The following WNT9A variants were observed in gnomAD, a reference collection of about 807,000 sequenced individuals.
WNT9A encodes protein Wnt-9a.
A neutral mutation model predicts 31.4 loss-of-function variants in WNT9A; 8 were observed. That is an observed-to-expected ratio of 0.26 (90% CI 0.15 to 0.46). The LOEUF (loss-of-function observed/expected upper bound fraction) is 0.46, where lower values mean the gene tolerates loss of function less well. Ranked by LOEUF, WNT9A falls within the 20% of genes least tolerant of loss-of-function variation. The pLI is 0.99. For synonymous variants in WNT9A, 236 were observed against 220.1 expected (o/e 1.07, Z -0.64); for missense variants, 457 against 522.9 (o/e 0.87, Z 1.23).
chr1:227,941,094 T>C (rs568949225), intron 1 of WNT9A, among the ~76,000 whole-genome samples: 155 of 152,348 alleles, frequency 1.0e-3, no homozygotes, highest in African/African-American at 3.6e-3. Flanking sequence ...TGCGGCAGCC[T>C]GGCAGCCAGG....
At chr1:227,945,721 C>T (rs965511375) in intron 1 of WNT9A, among the ~76,000 whole-genome samples, 4 of 152,068 alleles carry the variant, frequency 2.6e-5, no homozygotes, top group Non-Finnish European at 5.9e-5. Flanking sequence ...CCTTTAATGC[C>T]CTGGGCCACC....
rs1313687291 is a variant in WNT9A at position 227,928,446 on chromosome 1, G to A, written c.96-2927C>T. ...GGCCCAAAGGCTACGCCCTTCCCTGGAGTATTCACTGAATTCTGTGCTGCT... is the reference window on the plus strand; with the variant it reads ...GGCCCAAAGGCTACGCCCTTCCCTGAAGTATTCACTGAATTCTGTGCTGCT... On this transcript the variant is annotated intron_variant, in intron 1 of 3. Coordinates refer to ENST00000272164, the MANE Select transcript of WNT9A (RefSeq NM_003395.4). This position sits in a 1 kb window ranked among gnomAD's most constrained non-coding sequence, Gnocchi z 4.5. 6.6e-6 allele frequency among the ~76,000 whole-genome samples: 1 copy of A among 152,214 alleles called. No individual in the cohort carries two copies. Among genetic ancestry groups the A allele is most frequent in the African/African-American group, 2.4e-5 (1 of 41,464 alleles).
chr1:227,946,892 G>A (rs975083391), intron 1 of WNT9A, among the ~76,000 whole-genome samples: 1 of 152,110 alleles, frequency 6.6e-6, no homozygotes, highest in African/African-American at 2.4e-5. Flanking sequence ...CCAGGTCGGG[G>A]GCTGGGATCC....
At chr1:227,934,619 G>A (rs375428980) in intron 1 of WNT9A, among the ~76,000 whole-genome samples, 8 of 151,974 alleles carry the variant, frequency 5.3e-5, no homozygotes, top group Admixed American at 1.3e-4. Context: ...TTCCTTTCAC[G>A]TTGGCCTGTA....
rs776263074 is a variant in WNT9A, at chr1:227,924,326, C to T, written c.427G>A (p.Ala143Thr). 5.0e-6 allele frequency: 8 copies of T among 1,613,664 alleles called. No homozygotes were observed. The highest frequency in any genetic ancestry group is 4.5e-5 in the East Asian group (2 of 44,868). The change falls in exon 3 of 4, where the codon GCG becomes ACG. Residue 143 changes from alanine to threonine, a missense_variant. Coordinates refer to ENST00000272164, the MANE Select transcript of WNT9A (RefSeq NM_003395.4). ...CAGGTACAGCGCTCCATGCGGCCCG[C>T]GCTGCACGCCTTGGCCAGTGCGTGC... ...LTHALAKACSAGRMERCTCDE... is the reference protein window; with the variant it reads ...LTHALAKACSTGRMERCTCDE...
intron 2 of WNT9A, among the ~76,000 whole-genome samples, chr1:227,924,760 G>A (rs1666387730): frequency 6.6e-6 from 1 of 152,238 alleles, no homozygotes; most frequent in Admixed American, 6.5e-5. Flanking sequence ...AGCTCATGCA[G>A]TGCAGTGGCA....
chr1:227,929,604 C>T (rs190371186), intron 1 of WNT9A, among the ~76,000 whole-genome samples: 30 of 152,262 alleles, frequency 2.0e-4, no homozygotes, highest in African/African-American at 6.0e-4. Context: ...GAGGCCAAGG[C>T]GGGAGGATCA....
intron 1 of WNT9A, among the ~76,000 whole-genome samples, chr1:227,947,332 A>G (rs1043534638): frequency 1.6e-4 from 25 of 152,178 alleles, no homozygotes; most frequent in African/African-American, 5.1e-4. Flanking sequence ...TTTGGGGCTC[A>G]GCGCGAGGAA....
Position 227,925,554 on chromosome 1 carries a change from AG to A in WNT9A, c.96-36del. ...GAGAGGCCAGCATGAGCCCGGCCCC[AG>A]GAAGCCCTGCTGGAGCCTGGCCAGG... On this transcript the variant is annotated intron_variant, in intron 1 of 3. Transcript: ENST00000272164. The surrounding 1 kb of genome is among the most constrained non-coding windows in gnomAD (Gnocchi z 6.0). 1.4e-6 allele frequency: 2 copies of A among 1,469,878 alleles called. No individual in the cohort carries two copies. The highest frequency in any genetic ancestry group is 1.8e-6 in the Non-Finnish European group (2 of 1,112,460). 91.1% of individuals were successfully genotyped at this position (1,469,878 alleles called of 1,614,324 possible).
At chr1:227,937,953 C>G (rs777001069) in intron 1 of WNT9A, among the ~76,000 whole-genome samples, 1 of 152,190 alleles carries the variant, frequency 6.6e-6, no homozygotes, top group Non-Finnish European at 1.5e-5. Flanking sequence ...CCCGGGACCA[C>G]GCTGGTGACT....
rs980452260 is a variant in WNT9A at position 227,921,425 on chromosome 1, C to A, written c.*93G>T. ...CTGTACCCCACGCAGCTGGGCTGGT[C>A]GAGCCCAGGAACTCAGCCTGTGCAG... On this transcript the variant is annotated 3_prime_UTR_variant, in exon 4 of 4. Transcript: ENST00000272164. 2.6e-5 allele frequency: 40 copies of A among 1,522,506 alleles called. No homozygotes were observed. The African/African-American group carries it at 5.2e-4, about 20-fold the overall frequency. The allele number at this position is 1,522,506 out of a possible 1,614,324, so 94.3% of individuals were successfully genotyped here. A position where few individuals can be genotyped will look rare whatever the true frequency, so the allele number is the denominator to read the frequency against.
Position 227,924,291 on chromosome 1 carries a change from T to C in WNT9A, c.462A>G (p.Ala154=), listed in dbSNP as rs749319607. The C allele has an allele frequency of 3.1e-6, 5 of 1,613,626 alleles. No homozygotes were observed. The African/African-American group carries it at 6.7e-5, about 22-fold the overall frequency. ...GRMERCTCDE[A]PDLENREAWQ... Reference sequence around the variant, plus strand: ...AGGCCTCACGGTTCTCCAGGTCGGGTGCCTCATCGCAGGTACAGCGCTCCA... The same window carrying C: ...AGGCCTCACGGTTCTCCAGGTCGGGCGCCTCATCGCAGGTACAGCGCTCCA... The change falls in exon 3 of 4, where the codon GCA becomes GCG. Residue 154 remains alanine, a synonymous_variant. Coordinates refer to ENST00000272164, the MANE Select transcript of WNT9A (RefSeq NM_003395.4).
At chr1:227,923,960 C>T (rs1178507306) in intron 3 of WNT9A, among the ~76,000 whole-genome samples, 178 bp downstream of exon 3, 3 of 152,214 alleles carry the variant, frequency 2.0e-5, no homozygotes, top group East Asian at 1.9e-4. Flanking sequence ...CTTATGGGCA[C>T]GAGAGGCTCC....
intron 1 of WNT9A, among the ~76,000 whole-genome samples, chr1:227,933,175 G>C (rs1666540217): frequency 6.6e-6 from 1 of 152,208 alleles, no homozygotes; most frequent in Non-Finnish European, 1.5e-5. Flanking sequence ...GATCTTAGCT[G>C]GATCTGCTGG....
intron 1 of WNT9A, among the ~76,000 whole-genome samples, chr1:227,930,798 A>G (rs1395341292): frequency 6.6e-6 from 1 of 152,156 alleles, no homozygotes; most frequent in East Asian, 1.9e-4. Context: ...AGGTGGAAGG[A>G]TCACTTAAGG....
At chr1:227,938,702 G>A (rs925773440) in intron 1 of WNT9A, among the ~76,000 whole-genome samples, 2 of 152,106 alleles carry the variant, frequency 1.3e-5, no homozygotes, top group African/African-American at 2.4e-5. Flanking sequence ...TAAGATCCAT[G>A]TAAAAATTCG....
At chr1:227,943,877 G>A (rs1666752725) in intron 1 of WNT9A, among the ~76,000 whole-genome samples, 1 of 152,188 alleles carries the variant, frequency 6.6e-6, no homozygotes, top group African/African-American at 2.4e-5. Context: ...AGCTACTTGG[G>A]ATGCTGAGGT....
intron 1 of WNT9A, among the ~76,000 whole-genome samples, chr1:227,934,254 G>C (rs1451223547): frequency 6.6e-6 from 1 of 152,134 alleles, no homozygotes; most frequent in African/African-American, 2.4e-5. Context: ...TAATCCCTTG[G>C]GAAATCAGAT....
rs1439937983 is a variant in WNT9A, at chr1:227,919,845, A to T, written c.*1673T>A. On this transcript the variant is annotated 3_prime_UTR_variant, in exon 4 of 4. Coordinates refer to ENST00000272164, the MANE Select transcript of WNT9A (RefSeq NM_003395.4). Reference sequence around the variant, plus strand: ...GCACACTGACCACGCCAGCACACACACTCTCACAACACACACACACACTAC... The same window carrying T: ...GCACACTGACCACGCCAGCACACACTCTCTCACAACACACACACACACTAC... 7.9e-6 allele frequency: 1 copy of T among 126,836 alleles called. No homozygotes were observed. Among genetic ancestry groups the T allele is most frequent in the Admixed American group, 8.1e-5 (1 of 12,380 alleles). 7.9% of individuals were successfully genotyped at this position (126,836 alleles called of 1,614,324 possible). A position where few individuals can be genotyped will look rare whatever the true frequency, so the allele number is the denominator to read the frequency against.
Sources: allele counts gnomAD v4.1 joint callset (sites outside exome capture counted in the v4.1 genomes callset), GRCh38; gene constraint gnomAD v4.1.1; non-coding constraint Gnocchi (gnomAD v3.1); transcripts MANE v1.5; gene names NCBI Gene and HGNC (gene_info 2026-07-23, HGNC 2026-07-21).